TTC28: variants seen among roughly 807,000 people sequenced by gnomAD.
The protein encoded by TTC28 is tetratricopeptide repeat protein 28.
A neutral mutation model predicts 198.0 loss-of-function variants in TTC28; 61 were observed. The ratio of observed to expected loss-of-function variants is 0.31; its 90% CI spans 0.25 to 0.38. The LOEUF is 0.38. Among genes scored for constraint, TTC28 ranks in the 10% least tolerant of loss-of-function variants. The probability of loss-of-function intolerance (pLI) is 1.00; values close to 1 mark genes in which losing one functional copy is unlikely to be tolerated. For synonymous variants in TTC28, 1,171 were observed against 1,297.8 expected (o/e 0.90, Z 2.10); for missense variants, 2,678 against 3,164.0 (o/e 0.85, Z 3.69).
chr22:28,044,005 C>T (rs568911505), intron 12 of TTC28, among the ~76,000 whole-genome samples: 117 of 152,266 alleles, frequency 7.7e-4, no homozygotes, highest in African/African-American at 2.8e-3. Flanking sequence ...CCGCCAGCAC[C>T]GTCTCTGAAG....
Position 27,989,998 on chromosome 22 carries a change from C to T in TTC28, c.5587G>A (p.Val1863Met), listed in dbSNP as rs745508490. Residue 1863 changes from valine to methionine, a missense_variant, in exon 21 of 23, where the codon GTG (valine) becomes ATG (methionine). By Grantham distance (21) the Val-to-Met change is conservative. Around this residue, in one of 8 missense-constraint regions of TTC28, gnomAD observed 314 missense variants for 442.7 expected, o/e 0.71. Coordinates refer to ENST00000397906, the MANE Select transcript of TTC28 (RefSeq NM_001145418.2). ...VKNMVGMLHQ[V>M]LVQLQAGEKE... ...TCGCCAGCCTGGAGCTGAACCAGCA[C>T]CTGGTGGAGCTGAGGAAGGGGGGAC... 5 of 1,550,556 alleles carry T rather than the reference C, an allele frequency of 3.2e-6. No individual in the cohort carries two copies. The South Asian group carries it at 3.6e-5, about 11-fold the overall frequency.
chr22:28,467,763 G>C (rs1455771441), intron 2 of TTC28, among the ~76,000 whole-genome samples: 4 of 152,026 alleles, frequency 2.6e-5, no homozygotes, highest in African/African-American at 9.7e-5. Flanking sequence ...CACCTGAGAA[G>C]AGATTTTTTT....
intron 15 of TTC28, 155 bp from the exon 16 acceptor site, chr22:27,999,415 ATC>A (rs1937614877): frequency 2.6e-5 from 31 of 1,175,686 alleles, no homozygotes; most frequent in Non-Finnish European, 3.5e-5. Context: ...ATTTTTCAAC[ATC>A]TTTTTGACAC....
intron 2 of TTC28, among the ~76,000 whole-genome samples, chr22:28,452,504 AAAAG>A (rs1456066662): frequency 6.6e-6 from 1 of 152,040 alleles, no homozygotes; most frequent in African/African-American, 2.4e-5. Flanking sequence ...AGATCATAGG[AAAAG>A]AAAGTCAATA....
chr22:28,548,830 A>C (rs913712628), intron 2 of TTC28, among the ~76,000 whole-genome samples: 2 of 152,014 alleles, frequency 1.3e-5, no homozygotes, highest in Non-Finnish European at 2.9e-5. Flanking sequence ...ATGTTCCCCT[A>C]CCTATGATGC....
chr22:28,493,682 TACA>T (rs773703009), intron 2 of TTC28, among the ~76,000 whole-genome samples: 2 of 152,196 alleles, frequency 1.3e-5, no homozygotes, highest in Non-Finnish European at 2.9e-5. Flanking sequence ...ATGATAGAAG[TACA>T]ACAATACTTC....
chr22:27,987,364 A>G (rs575901272), intron 21 of TTC28, among the ~76,000 whole-genome samples: 1 of 152,260 alleles, frequency 6.6e-6, no homozygotes, highest in Non-Finnish European at 1.5e-5. Context: ...TGTGCAGGGG[A>G]GGAAGCCTGG....
intron 2 of TTC28, among the ~76,000 whole-genome samples, chr22:28,495,688 T>C (rs1003690348): frequency 6.6e-6 from 1 of 152,094 alleles, no homozygotes. Flanking sequence ...AGGACAATAG[T>C]TGTGGAAATA....
chr22:28,196,391 G>C (rs922544867), intron 5 of TTC28, among the ~76,000 whole-genome samples: 1 of 152,136 alleles, frequency 6.6e-6, no homozygotes, highest in African/African-American at 2.4e-5. Flanking sequence ...AGGACTTCAT[G>C]TCTAAAACAC....
chr22:28,264,710 G>C (rs1398335730), intron 5 of TTC28, among the ~76,000 whole-genome samples: 1 of 152,114 alleles, frequency 6.6e-6, no homozygotes, highest in Non-Finnish European at 1.5e-5. Context: ...AAACTGCCAG[G>C]TTTCTGCATG....
chr22:28,209,971 T>C (rs186077498), intron 5 of TTC28, among the ~76,000 whole-genome samples: 8 of 152,282 alleles, frequency 5.3e-5, no homozygotes, highest in Admixed American at 2.6e-4. Flanking sequence ...CAACATTTGC[T>C]GTACTGCAAT....
intron 1 of TTC28, among the ~76,000 whole-genome samples, chr22:28,677,191 T>A (rs2052009297): frequency 1.8e-5 from 2 of 111,492 alleles, no homozygotes; most frequent in South Asian, 2.5e-4. Flanking sequence ...TATATATATA[T>A]ATATATATAT....
At chr22:28,424,265 T>C (rs749238314) in intron 2 of TTC28, among the ~76,000 whole-genome samples, 2 of 152,204 alleles carry the variant, frequency 1.3e-5, no homozygotes, top group African/African-American at 4.8e-5. Context: ...ATGTGTTCTA[T>C]TGTTTCATAC....
intron 2 of TTC28, among the ~76,000 whole-genome samples, chr22:28,477,786 C>T (rs2048185854): frequency 6.6e-6 from 1 of 152,190 alleles, no homozygotes; most frequent in South Asian, 2.1e-4. Flanking sequence ...TCTTTCCCAC[C>T]TGCCCTCTCG....
intron 12 of TTC28, among the ~76,000 whole-genome samples, chr22:28,046,436 T>C (rs114375972): frequency 0.011 from 1,611 of 152,330 alleles, 31 homozygotes; most frequent in African/African-American, 0.036. Context: ...TGTAACACAA[T>C]GTTAAGTATT....
intron 2 of TTC28, among the ~76,000 whole-genome samples, chr22:28,570,992 AT>A (rs923475984): frequency 1.9e-4 from 29 of 151,282 alleles, no homozygotes; most frequent in East Asian, 3.9e-4. Context: ...TAAAGCTGGC[AT>A]TTTTTTTTCC....
At position 28,352,565 on chromosome 22, in the gene TTC28, C is replaced by T. The variant is rs537178227; in HGVS notation, c.382-45922G>A. ...GCAGGAGCTGGAGCCAATAAAGCTCCCAGGAAGCAGGAGGACTTAGAGTCA... is the reference window on the plus strand; with the variant it reads ...GCAGGAGCTGGAGCCAATAAAGCTCTCAGGAAGCAGGAGGACTTAGAGTCA... On this transcript the variant is annotated intron_variant, in intron 2 of 22. Transcript: ENST00000397906. 2.0e-5 allele frequency among the ~76,000 whole-genome samples: 3 copies of T among 152,066 alleles called. No homozygotes were observed. The South Asian group carries it at 6.2e-4, about 32-fold the overall frequency.
intron 5 of TTC28, among the ~76,000 whole-genome samples, chr22:28,189,461 C>T (rs186242582): frequency 2.0e-5 from 3 of 151,208 alleles, no homozygotes; most frequent in Admixed American, 6.6e-5. Flanking sequence ...CTGACTAACA[C>T]GAGTTCTATA....
intron 6 of TTC28, among the ~76,000 whole-genome samples, chr22:28,142,330 G>A (rs943385804): frequency 7.9e-5 from 12 of 152,176 alleles, no homozygotes; most frequent in African/African-American, 2.9e-4. Flanking sequence ...CATGTCTGTG[G>A]GAGGGGGAAG....
Sources: gnomAD v4.1 joint callset for allele counts (sites outside exome capture counted in the v4.1 genomes callset) on GRCh38, gnomAD v4.1.1 for gene constraint, gnomAD v4.1.1 regional missense constraint, MANE v1.5 for transcripts, NCBI Gene and HGNC (gene_info 2026-07-23, HGNC 2026-07-21) for gene names.